Variants in CTNND1 observed in about 807,000 individuals in gnomAD.
The protein encoded by CTNND1 is catenin delta 1, also known as catenin delta-1.
Under a neutral mutation model 112.1 loss-of-function variants are expected in CTNND1, and 16 were observed. The ratio of observed to expected loss-of-function variants is 0.14; its 90% confidence interval spans 0.10 to 0.22. CTNND1 has a LOEUF of 0.22. Among genes scored for constraint, CTNND1 ranks in the 10% least tolerant of loss-of-function variants. The pLI is 1.00. For synonymous variants in CTNND1, 420 were observed against 446.5 expected (o/e 0.94, Z 0.75); for missense variants, 1,008 against 1,257.0 (o/e 0.80, Z 3.00).
At chr11:57,791,985 T>G (rs1467555070) in intron 3 of CTNND1, among the ~76,000 whole-genome samples, 2 of 144,958 alleles carry the variant, frequency 1.4e-5, no homozygotes, top group African/African-American at 5.8e-5. Context: ...AAGTTACTTT[T>G]CTTTTCTGAT....
chr11:57,790,210 C>T (rs2060548949), intron 2 of CTNND1, among the ~76,000 whole-genome samples: 1 of 151,966 alleles, frequency 6.6e-6, no homozygotes, highest in Non-Finnish European at 1.5e-5. Flanking sequence ...GCTGGGATTA[C>T]AGGTGCCTAC....
In CTNND1 at chr11:57,796,804, G is replaced by A. The variant is rs777369567; in HGVS notation, c.768G>A (p.Val256=). 6 of 1,610,350 alleles carry A rather than the reference G, an allele frequency of 3.7e-6. No homozygotes were observed. The highest frequency in any genetic ancestry group is 5.1e-6 in the Non-Finnish European group (6 of 1,177,500). ...ACCGGGCACCTAGTAGACAGGATGT[G>A]TATGGGCCCCAACCCCAGGTTCGGG... ...EGYRAPSRQD[V]YGPQPQVRVG... The change falls in exon 6 of 21, where the codon GTG becomes GTA. Residue 256 remains valine (V), a synonymous_variant. Transcript: ENST00000399050.
At chr11:57,789,834 C>T (rs1352029124) in intron 2 of CTNND1, among the ~76,000 whole-genome samples, 1 of 152,176 alleles carries the variant, frequency 6.6e-6, no homozygotes, top group African/African-American at 2.4e-5. Context: ...GAACTTCCAG[C>T]CATTGACGTG....
At chr11:57,764,446 T>C (rs1950604266) in intron 1 of CTNND1, among the ~76,000 whole-genome samples, 2 of 152,198 alleles carry the variant, frequency 1.3e-5, no homozygotes, top group Admixed American at 6.5e-5. Context: ...TGAGATAGGA[T>C]GGATGCAAAT....
chr11:57,794,484 C>T (rs1468551592), intron 4 of CTNND1, among the ~76,000 whole-genome samples: 1 of 152,112 alleles, frequency 6.6e-6, no homozygotes, highest in Admixed American at 6.6e-5. Context: ...TCAGGTTTGT[C>T]TTAAAAGTTC....
intron 1 of CTNND1, among the ~76,000 whole-genome samples, chr11:57,786,250 G>A (rs2060120465): frequency 6.7e-6 from 1 of 150,126 alleles, no homozygotes; most frequent in Non-Finnish European, 1.5e-5. Context: ...TAAGTAAGTG[G>A]AGGCCGGCTG....
chr11:57,805,776 T>G (rs936859636), intron 9 of CTNND1, 106 bp from the exon 10 acceptor site: 2 of 1,273,742 alleles, frequency 1.6e-6, no homozygotes, highest in Admixed American at 4.6e-5. Flanking sequence ...GATTGGGTTA[T>G]GCATTTGAAG....
intron 1 of CTNND1, among the ~76,000 whole-genome samples, chr11:57,783,857 G>A (rs1368313920): frequency 6.6e-6 from 1 of 152,116 alleles, no homozygotes; most frequent in East Asian, 1.9e-4. Context: ...GTTCTGTAGT[G>A]TTACAGGTGC....
At chr11:57,795,011 C>T (rs2061212440) in intron 4 of CTNND1, among the ~76,000 whole-genome samples, 1 of 151,670 alleles carries the variant, frequency 6.6e-6, no homozygotes, top group Non-Finnish European at 1.5e-5. Flanking sequence ...CCAGCCTGGG[C>T]AACATAGACC....
At chr11:57,802,290 A>G (rs758053519) in intron 7 of CTNND1, 94 bp downstream of exon 7, 2 of 1,138,402 alleles carry the variant, frequency 1.8e-6, no homozygotes, top group East Asian at 2.4e-5. Flanking sequence ...ACTTTTGATG[A>G]AAGGTTGTGA....
intron 1 of CTNND1, among the ~76,000 whole-genome samples, chr11:57,777,351 C>A (rs1954561026): frequency 6.6e-6 from 1 of 152,122 alleles, no homozygotes; most frequent in Non-Finnish European, 1.5e-5. Context: ...TCACTGCAAC[C>A]TCTGCCTCCC....
At chr11:57,774,088 A>C (rs1034763597) in intron 1 of CTNND1, among the ~76,000 whole-genome samples, 1 of 152,086 alleles carries the variant, frequency 6.6e-6, no homozygotes, top group Non-Finnish European at 1.5e-5. Context: ...TTCACTTTTT[A>C]GTTCTTTTAA....
chr11:57,808,432 C>T lies in CTNND1; in HGVS notation c.2134C>T (p.Leu712Phe). ...CTCTGCTCTGCGTCAAGAGAAGGCT[C>T]TTTCTGCCATAGCTGACCTCCTGAC... ...IRSALRQEKA[L>F]SAIADLLTNE... The change falls in exon 14 of 21, where the codon CTT becomes TTT. Residue 712 changes from leucine (L) to phenylalanine (F), a missense_variant. Leu to Phe is a conservative substitution (Grantham distance 22). Around this residue, in one of 5 missense-constraint regions of CTNND1, gnomAD observed 254 missense variants for 279.5 expected, o/e 0.91. Coordinates refer to ENST00000399050, the MANE Select transcript of CTNND1 (RefSeq NM_001085458.2). 1 of 1,612,314 alleles carries T rather than the reference C, an allele frequency of 6.2e-7. No individual in the cohort carries two copies. The highest frequency in any genetic ancestry group is 1.1e-5 in the South Asian group (1 of 90,838).
intron 1 of CTNND1, among the ~76,000 whole-genome samples, chr11:57,765,086 T>C (rs1950739023): frequency 6.6e-6 from 1 of 152,238 alleles, no homozygotes; most frequent in Non-Finnish European, 1.5e-5. Flanking sequence ...ACACGTTGTT[T>C]ATCAGTAAAA....
intron 1 of CTNND1, among the ~76,000 whole-genome samples, chr11:57,783,835 T>C (rs1446376993): frequency 6.6e-6 from 1 of 152,190 alleles, no homozygotes; most frequent in Non-Finnish European, 1.5e-5. Context: ...GGCTTGAATG[T>C]TATGTAATAC....
intron 1 of CTNND1, among the ~76,000 whole-genome samples, chr11:57,777,278 G>A (rs1954533125): frequency 6.6e-6 from 1 of 152,096 alleles, no homozygotes; most frequent in Admixed American, 6.5e-5. Flanking sequence ...ACCAGATCCA[G>A]ATAAGGACTA....
chr11:57,783,897 G>A (rs187653344), intron 1 of CTNND1, among the ~76,000 whole-genome samples: 72 of 152,104 alleles, frequency 4.7e-4, no homozygotes, highest in Non-Finnish European at 7.9e-4. Flanking sequence ...TTCTGCAGTA[G>A]GAGGCTTGGT....
intron 9 of CTNND1, among the ~76,000 whole-genome samples, chr11:57,805,511 G>A (rs137982853): frequency 1.3e-5 from 2 of 151,806 alleles, no homozygotes; most frequent in African/African-American, 4.8e-5. Flanking sequence ...CCAAAGTGCT[G>A]GGATTACAGG....
chr11:57,797,072 C>G, intron 6 of CTNND1, 80 bp downstream of exon 6: 1 of 1,272,272 alleles, frequency 7.9e-7, no homozygotes. Flanking sequence ...CTTCTAGGGG[C>G]TTTTTGGGAT....
Sources: allele counts gnomAD v4.1 joint callset (sites outside exome capture counted in the v4.1 genomes callset), GRCh38; gene constraint gnomAD v4.1.1; regional missense constraint gnomAD v4.1.1; transcripts MANE v1.5; gene names NCBI Gene and HGNC (gene_info 2026-07-23, HGNC 2026-07-21).